FAM117A: variants seen among roughly 807,000 people sequenced by gnomAD.
The protein encoded by FAM117A is family with sequence similarity 117 member A.
FAM117A carries 21 observed loss-of-function variants against 44.1 expected under a neutral mutation model. That is an observed-to-expected ratio of 0.48 (90% CI 0.34 to 0.69). The LOEUF (loss-of-function observed/expected upper bound fraction) is 0.69. FAM117A is among the 30% of genes least tolerant of loss of function. The pLI, the probability that FAM117A is intolerant of heterozygous loss-of-function variation, is 0.01. For missense variants in FAM117A, 498 were observed against 589.9 expected (o/e 0.84, Z 1.61); for synonymous variants, 220 against 238.3 (o/e 0.92, Z 0.71).
At position 49,740,961 on chromosome 17, in the gene FAM117A, T is replaced by C. The variant is rs371673773; in HGVS notation, c.197-8241A>G. Among the ~76,000 whole-genome samples the C allele has an allele frequency of 2.0e-5, 3 of 152,092 alleles. No homozygotes were observed. The East Asian group carries it at 5.8e-4, about 29-fold the overall frequency. On this transcript the variant is annotated intron_variant, in intron 1 of 7. Coordinates refer to ENST00000240364, the MANE Select transcript of FAM117A (RefSeq NM_030802.4). ...ACTGTGGGGTAGAGGCTTAGCACTT[T>C]ACAAGGGGAAACAAGCCCCTGACCA... is the stretch of plus-strand genomic sequence containing the variant.
chr17:49,733,909 G>A (rs940623116), intron 1 of FAM117A, among the ~76,000 whole-genome samples: 7 of 151,986 alleles, frequency 4.6e-5, no homozygotes, highest in African/African-American at 1.5e-4. Flanking sequence ...TTGGGAGGTC[G>A]AGGCAGGTGG....
chr17:49,788,985 T>C (rs1265655893), upstream of FAM117A: 3 of 750,470 alleles, frequency 4.0e-6, no homozygotes, highest in African/African-American at 3.7e-5. Context: ...CCCTCTCTTC[T>C]GTCCATACCC....
At chr17:49,748,326 C>A (rs1243739463) in intron 1 of FAM117A, among the ~76,000 whole-genome samples, 1 of 152,296 alleles carries the variant, frequency 6.6e-6, no homozygotes, top group South Asian at 2.1e-4. Flanking sequence ...CCTCTCTGAG[C>A]AGACAGCATT....
intron 1 of FAM117A, among the ~76,000 whole-genome samples, chr17:49,755,770 G>C (rs1313021429): frequency 2.0e-5 from 3 of 152,170 alleles, no homozygotes; most frequent in African/African-American, 4.8e-5. Context: ...ATTATAGAGG[G>C]GGAACAGTAT....
chr17:49,717,668 C>T lies in FAM117A; in HGVS notation c.755G>A (p.Ser252Asn). 1 of 1,613,666 alleles carries T rather than the reference C, an allele frequency of 6.2e-7. No homozygotes were observed. Among genetic ancestry groups the T allele is most frequent in the Non-Finnish European group, 8.5e-7 (1 of 1,179,686 alleles). ...DGHRAPAPPQSGSCDHPLLLL... is the reference protein window; with the variant it reads ...DGHRAPAPPQNGSCDHPLLLL... ...GAGGAGGGGATGATCACAGCTGCCA[C>T]TCTGGGGAGGAGCTGGGGCCCGGTG... The change falls in exon 6 of 8, where the codon AGT (serine) becomes AAT (asparagine). Residue 252 changes from serine (S) to asparagine (N), a missense_variant. Ser to Asn is a conservative substitution (Grantham distance 46). This residue lies in a region of FAM117A where 224 missense variants were observed against 296.5 expected (regional missense o/e 0.76). Coordinates refer to ENST00000240364, the MANE Select transcript of FAM117A (RefSeq NM_030802.4).
At chr17:49,750,159 A>G (rs1028907421) in intron 1 of FAM117A, among the ~76,000 whole-genome samples, 1 of 148,976 alleles carries the variant, frequency 6.7e-6, no homozygotes, top group Non-Finnish European at 1.5e-5. Context: ...CTTTACACAG[A>G]TTCGCCTATT....
upstream of FAM117A, among the ~76,000 whole-genome samples, chr17:49,767,924 TAGA>T (rs925568792): frequency 4.0e-5 from 6 of 151,006 alleles, no homozygotes; most frequent in South Asian, 2.1e-4. Flanking sequence ...AAAAAAAAAG[TAGA>T]AGATTATAGA....
At chr17:49,739,044 T>A (rs1390084490) in intron 1 of FAM117A, among the ~76,000 whole-genome samples, 1 of 151,904 alleles carries the variant, frequency 6.6e-6, no homozygotes, top group East Asian at 1.9e-4. Flanking sequence ...AGATATCTAG[T>A]AGGAGCTAAG....
rs1288239996 is a variant in FAM117A at position 49,711,352 on chromosome 17, G to A, written c.1265C>T (p.Pro422Leu). Residue 422 changes from proline (P) to leucine (L), a missense_variant, in exon 8 of 8, where the codon CCG becomes CTG. Transcript: ENST00000240364. ...CAGTGGGGAGGCCTTGGAGGCTTCC[G>A]GATCCTTCCGAGGTGGTGGCCTGGG... ...ASPRPPPRKD[P>L]EASKASPLPF... is the part of the protein sequence containing the mutation. 6 of 1,609,522 alleles carry A rather than the reference G, an allele frequency of 3.7e-6. No individual in the cohort carries two copies. The highest frequency in any genetic ancestry group is 1.3e-5 in the African/African-American group (1 of 74,858).
chr17:49,762,245 T>C (rs922756442), intron 1 of FAM117A, among the ~76,000 whole-genome samples: 2 of 152,210 alleles, frequency 1.3e-5, no homozygotes, highest in African/African-American at 4.8e-5. Context: ...TGTTTTCCAC[T>C]AAAAGTGACT....
At chr17:49,768,103 A>C (rs1325799449), upstream of FAM117A, among the ~76,000 whole-genome samples, 2 of 152,142 alleles carry the variant, frequency 1.3e-5, no homozygotes, top group Non-Finnish European at 2.9e-5. Context: ...TAAGTCAGAG[A>C]TATAGCCATT....
At chr17:49,758,041 C>T (rs2073705637) in intron 1 of FAM117A, among the ~76,000 whole-genome samples, 1 of 152,202 alleles carries the variant, frequency 6.6e-6, no homozygotes, top group African/African-American at 2.4e-5. Context: ...TTTAAAAGGG[C>T]TCCAGGGCCA....
At chr17:49,736,566 G>C (rs1167711074) in intron 1 of FAM117A, among the ~76,000 whole-genome samples, 1 of 152,164 alleles carries the variant, frequency 6.6e-6, no homozygotes, top group Non-Finnish European at 1.5e-5. Flanking sequence ...TTTCAAAGAC[G>C]GAGGTAAAGC....
chr17:49,732,588 C>A lies in FAM117A; in HGVS notation c.329G>T (p.Gly110Val). The change falls in exon 2 of 8, where the codon GGG (glycine) becomes GTG (valine). Residue 110 changes from glycine to valine, a missense_variant. This residue lies in a region of FAM117A where 270 missense variants were observed against 277.4 expected (regional missense o/e 0.97). Coordinates refer to ENST00000240364, the MANE Select transcript of FAM117A (RefSeq NM_030802.4). The stretch of plus-strand genomic sequence containing the variant: ...GTCATTGGTGCAGCAGGTGAAGGCC[C>A]CATCAGCATCTCGTGGCCACTGGCC... ...LLGQWPRDAD[G>V]AFTCCTNDKA... is the part of the protein sequence containing the mutation. 2 of 1,614,116 alleles carry A rather than the reference C, an allele frequency of 1.2e-6. No homozygotes were observed. Among genetic ancestry groups the A allele is most frequent in the Non-Finnish European group, 1.7e-6 (2 of 1,180,004 alleles).
At chr17:49,787,910 G>A (rs1338939597) in intron 1 of FAM117A, among the ~76,000 whole-genome samples, 1 of 152,124 alleles carries the variant, frequency 6.6e-6, no homozygotes, top group Non-Finnish European at 1.5e-5. Flanking sequence ...GAGCTAAATG[G>A]GGTTCAAAGC....
chr17:49,724,561 G>A (rs2073550632), intron 2 of FAM117A: 1 of 447,786 alleles, frequency 2.2e-6, no homozygotes, highest in African/African-American at 2.0e-5. Context: ...GGCTGGGGGT[G>A]GTGGCTCATG....
At chr17:49,726,144 T>TA (rs1330973703) in intron 2 of FAM117A, among the ~76,000 whole-genome samples, 1 of 152,232 alleles carries the variant, frequency 6.6e-6, no homozygotes, top group Non-Finnish European at 1.5e-5. Flanking sequence ...GGTAATTTGT[T>TA]AAAGCAGCCT....
At chr17:49,719,097 A>G (rs576393028) in intron 5 of FAM117A, among the ~76,000 whole-genome samples, 7 of 152,024 alleles carry the variant, frequency 4.6e-5, no homozygotes, top group African/African-American at 1.4e-4. Flanking sequence ...CCCCATCTCT[A>G]TTAAAAATAC....
At chr17:49,715,947 C>T (rs2143693166) in intron 7 of FAM117A, among the ~76,000 whole-genome samples, 1 of 152,154 alleles carries the variant, frequency 6.6e-6, no homozygotes, top group East Asian at 1.9e-4. Context: ...TTGTGGCTGG[C>T]ATGTGGGCAG....
Sources: gnomAD v4.1 joint callset for allele counts (sites outside exome capture counted in the v4.1 genomes callset) on GRCh38, gnomAD v4.1.1 for gene constraint, gnomAD v4.1.1 regional missense constraint, MANE v1.5 for transcripts, NCBI Gene and HGNC (gene_info 2026-07-23, HGNC 2026-07-21) for gene names.